Variants in SLC44A1 observed in about 807,000 individuals in gnomAD.
The protein encoded by SLC44A1 is solute carrier family 44 member 1, also known as choline transporter-like protein 1.
A neutral mutation model predicts 79.3 loss-of-function variants in SLC44A1; 26 were observed. That is an observed-to-expected ratio of 0.33 (90% confidence interval 0.24 to 0.46). The LOEUF (loss-of-function observed/expected upper bound fraction) is 0.46, where lower values mean the gene tolerates loss of function less well. SLC44A1 is among the 20% of genes least tolerant of loss of function. SLC44A1 has a pLI of 1.00. For synonymous variants in SLC44A1, 263 were observed against 286.2 expected, an observed-to-expected ratio of 0.92 and a Z score of 0.82; for missense variants, 688 against 798.1, an observed-to-expected ratio of 0.86 and a Z score of 1.66.
chr9:105,276,026 A>C (rs328011), intron 1 of SLC44A1, among the ~76,000 whole-genome samples: 1 of 151,808 alleles, frequency 6.6e-6, no homozygotes, highest in African/African-American at 2.4e-5. Context: ...GGTTGGTGTC[A>C]AACTCCTGGC....
chr9:105,403,025 G>A (rs1828978663), intron 15 of SLC44A1, among the ~76,000 whole-genome samples: 1 of 109,166 alleles, frequency 9.2e-6, no homozygotes, highest in Non-Finnish European at 1.7e-5. Flanking sequence ...TCGCTTTGTT[G>A]CCCAGGCTGG....
chr9:105,244,830 G>A lies in SLC44A1; in HGVS notation c.-39G>A. The A allele has an allele frequency of 9.1e-7, 1 of 1,098,688 alleles. No homozygotes were observed. 68.1% of individuals were successfully genotyped at this position (1,098,688 alleles called of 1,614,324 possible). A position where few individuals can be genotyped will look rare whatever the true frequency, so the allele number is the denominator to read the frequency against. ...TGCCGAGGGGCTCCGGGGCGTAGCT[G>A]CGCGCCCGGCGCCGCCTCCGGGCTC... On this transcript the variant is annotated 5_prime_UTR_variant, in exon 1 of 16. Coordinates refer to ENST00000374720, the MANE Select transcript of SLC44A1 (RefSeq NM_080546.5).
rs1827944927 is a variant in SLC44A1 at position 105,366,447 on chromosome 9, TAAATC to T, written c.1494+19_1494+23del. On this transcript the variant is annotated intron_variant, in intron 12 of 15. Coordinates refer to ENST00000374720, the MANE Select transcript of SLC44A1 (RefSeq NM_080546.5). ...TAAATCAGGTAAAATATTTTAAAAA[TAAATC>T]TAATATTTACTTTCAAAGATAGGTT... The T allele has an allele frequency of 1.0e-5, 11 of 1,099,552 alleles. No homozygotes were observed. Among genetic ancestry groups the T allele is most frequent in the Non-Finnish European group, 1.3e-5 (10 of 776,752 alleles). 68.1% of individuals were successfully genotyped at this position (1,099,552 alleles called of 1,614,324 possible). A position where few individuals can be genotyped will look rare whatever the true frequency, so the allele number is the denominator to read the frequency against.
At chr9:105,313,658 A>G (rs1433551314) in intron 3 of SLC44A1, among the ~76,000 whole-genome samples, 1 of 152,162 alleles carries the variant, frequency 6.6e-6, no homozygotes. Flanking sequence ...CCAAAAACAT[A>G]CTTTTTCTGT....
intron 15 of SLC44A1, among the ~76,000 whole-genome samples, chr9:105,420,233 G>A (rs1019607335): frequency 6.6e-6 from 1 of 152,144 alleles, no homozygotes; most frequent in Non-Finnish European, 1.5e-5. Context: ...CAGGAACAGA[G>A]GAAAGAGGCC....
At chr9:105,266,958 T>C (rs764550760) in intron 1 of SLC44A1, among the ~76,000 whole-genome samples, 18 of 152,150 alleles carry the variant, frequency 1.2e-4, no homozygotes, top group African/African-American at 4.1e-4. Flanking sequence ...AGTTCTCCAT[T>C]TATTTAAGCC....
chr9:105,263,462 A>T (rs574066736), intron 1 of SLC44A1, among the ~76,000 whole-genome samples: 1 of 151,668 alleles, frequency 6.6e-6, no homozygotes, highest in Admixed American at 6.6e-5. Context: ...GTTCTGGGCC[A>T]CTTCTTTACT....
rs149691978 is a variant in SLC44A1 at position 105,319,270 on chromosome 9, C to T, written c.269+9404C>T. On this transcript the variant is annotated intron_variant, in intron 3 of 15. Coordinates refer to ENST00000374720, the MANE Select transcript of SLC44A1 (RefSeq NM_080546.5). ...AGGAAGACTTGCAGAACTCACTGAA[C>T]GCTACTGTACTCATGGTTATGGTTT... Among the ~76,000 whole-genome samples, 223 of 152,158 alleles carry T rather than the reference C, an allele frequency of 1.5e-3. 1 individual carries two copies. Among genetic ancestry groups the T allele is most frequent in the Admixed American group, 3.3e-3 (50 of 15,290 alleles).
intron 15 of SLC44A1, among the ~76,000 whole-genome samples, chr9:105,403,258 A>G (rs186123341): frequency 6.6e-6 from 1 of 152,302 alleles, no homozygotes; most frequent in East Asian, 1.9e-4. Flanking sequence ...CTGATAGGAA[A>G]GGAAAACACA....
At chr9:105,366,465 T>A in intron 12 of SLC44A1, 36 bp downstream of exon 12, 1 of 928,868 alleles carries the variant, frequency 1.1e-6, no homozygotes, top group African/African-American at 1.7e-5. Flanking sequence ...ATATTTACTT[T>A]CAAAGATAGG....
intron 15 of SLC44A1, among the ~76,000 whole-genome samples, chr9:105,427,332 T>C (rs1392743841): frequency 1.3e-5 from 2 of 152,258 alleles, no homozygotes; most frequent in African/African-American, 4.8e-5. Flanking sequence ...GAATGTACTA[T>C]ATTCTATTCA....
At chr9:105,420,248 G>A (rs1021169241) in intron 15 of SLC44A1, among the ~76,000 whole-genome samples, 5 of 152,284 alleles carry the variant, frequency 3.3e-5, no homozygotes, top group Non-Finnish European at 7.3e-5. Flanking sequence ...GAGGCCAAAT[G>A]TCCTATTTTA....
chr9:105,253,714 A>G, intron 1 of SLC44A1, among the ~76,000 whole-genome samples: 1 of 152,156 alleles, frequency 6.6e-6, no homozygotes, highest in Non-Finnish European at 1.5e-5. Flanking sequence ...CCTGGGTGGC[A>G]GAGCCAGACC....
downstream of SLC44A1, among the ~76,000 whole-genome samples, chr9:105,398,844 A>G (rs2131496659): frequency 6.6e-6 from 1 of 152,250 alleles, no homozygotes; most frequent in East Asian, 1.9e-4. Context: ...GGGGTGTCCA[A>G]TCTTTTGGCT....
At chr9:105,302,366 T>G (rs969965305) in intron 2 of SLC44A1, among the ~76,000 whole-genome samples, 4 of 152,078 alleles carry the variant, frequency 2.6e-5, no homozygotes, top group African/African-American at 9.7e-5. Context: ...TCTTTTCTTT[T>G]TTTTTGAGAC....
At position 105,274,595 on chromosome 9, in the gene SLC44A1, A is replaced by G. The variant is rs533604571; in HGVS notation, c.37-24625A>G. On this transcript the variant is annotated intron_variant, in intron 1 of 15. Coordinates refer to ENST00000374720, the MANE Select transcript of SLC44A1 (RefSeq NM_080546.5). Reference sequence around the variant, plus strand: ...TGTCACCTACCTATAGAAATATTGAATCTTTTAAAGCATAGGATGAGGACC... The same window carrying G: ...TGTCACCTACCTATAGAAATATTGAGTCTTTTAAAGCATAGGATGAGGACC... Among the ~76,000 whole-genome samples, 5 of 152,328 alleles carry G rather than the reference A, an allele frequency of 3.3e-5. No homozygotes were observed. The East Asian group carries it at 9.6e-4, about 29-fold the overall frequency.
At chr9:105,352,776 T>A (rs1827494126) in intron 5 of SLC44A1, among the ~76,000 whole-genome samples, 1 of 152,198 alleles carries the variant, frequency 6.6e-6, no homozygotes, top group South Asian at 2.1e-4. Context: ...TCCACCGAAA[T>A]TCATTAAATC....
chr9:105,298,143 A>G (rs1830779281), intron 1 of SLC44A1, among the ~76,000 whole-genome samples: 1 of 152,148 alleles, frequency 6.6e-6, no homozygotes, highest in Non-Finnish European at 1.5e-5. Flanking sequence ...ATTCCAGTCA[A>G]TACTTTGCAA....
chr9:105,360,325 A>G (rs1827742778), intron 7 of SLC44A1, among the ~76,000 whole-genome samples: 1 of 152,180 alleles, frequency 6.6e-6, no homozygotes, highest in African/African-American at 2.4e-5. Context: ...CAGACACTCT[A>G]TATCCTTCTT....
Sources: gnomAD v4.1 joint callset for allele counts (sites outside exome capture counted in the v4.1 genomes callset) on GRCh38, gnomAD v4.1.1 for gene constraint, MANE v1.5 for transcripts, NCBI Gene and HGNC (gene_info 2026-07-23, HGNC 2026-07-21) for gene names.